TRDN: variants seen among roughly 807,000 people sequenced by gnomAD.
TRDN encodes triadin, also known as triadin in skeletal muscle.
TRDN carries 161 observed loss-of-function variants against 149.7 expected under a neutral mutation model. The observed-to-expected ratio is 1.08, with a 90% CI of 0.95 to 1.23. TRDN has a LOEUF of 1.23. Among genes scored for constraint, TRDN ranks in the 50% most tolerant of loss-of-function variants. The pLI is 0.00. For missense variants in TRDN, 896 were observed against 823.5 expected (o/e 1.09, Z -1.08); for synonymous variants, 294 against 250.5 (o/e 1.17, Z -1.64).
chr6:123,433,774 A>G (rs921192531), intron 12 of TRDN, among the ~76,000 whole-genome samples: 2 of 152,154 alleles, frequency 1.3e-5, no homozygotes, highest in African/African-American at 4.8e-5. Flanking sequence ...TAACTCCTAA[A>G]AGTTTACAAT....
intron 1 of TRDN, among the ~76,000 whole-genome samples, chr6:123,583,555 T>G (rs1046267998): frequency 1.4e-4 from 21 of 148,872 alleles, no homozygotes; most frequent in African/African-American, 5.3e-4. Flanking sequence ...GTAAGGGATA[T>G]AAAGGTTTCA....
At chr6:123,413,605 T>C (rs991176121) in intron 12 of TRDN, among the ~76,000 whole-genome samples, 4 of 152,078 alleles carry the variant, frequency 2.6e-5, no homozygotes, top group African/African-American at 9.7e-5. Context: ...CAGGAATAAA[T>C]AGGGCATTGT....
intron 21 of TRDN, among the ~76,000 whole-genome samples, chr6:123,342,786 T>C (rs1258596261): frequency 6.6e-6 from 1 of 152,026 alleles, no homozygotes; most frequent in African/African-American, 2.4e-5. Context: ...AAATTGTTCC[T>C]AAAAGTGAAC....
chr6:123,375,983 A>G (rs1781486445), intron 18 of TRDN, among the ~76,000 whole-genome samples: 1 of 152,174 alleles, frequency 6.6e-6, no homozygotes, highest in Non-Finnish European at 1.5e-5. Context: ...ATAGTGTGAA[A>G]AGAATGAGTT....
rs548911295 is a variant in TRDN at position 123,237,203 on chromosome 6, T to C, written c.1976-13072A>G. ...TTTTTAAATTTTGTTTCCAATTGCA[T>C]GTTGCATGTGGGAAATAATGAGTTT... On this transcript the variant is annotated intron_variant, in intron 38 of 40. Coordinates refer to ENST00000334268, the MANE Select transcript of TRDN (RefSeq NM_006073.4). Among the ~76,000 whole-genome samples the C allele has an allele frequency of 8.1e-4, 124 of 152,242 alleles. 1 individual carries two copies. The highest frequency in any genetic ancestry group is 1.4e-3 in the Non-Finnish European group (96 of 68,026).
intron 12 of TRDN, among the ~76,000 whole-genome samples, chr6:123,406,021 T>A (rs1773177294): frequency 6.6e-6 from 1 of 152,226 alleles, no homozygotes; most frequent in Admixed American, 6.5e-5. Context: ...AAAATATGTC[T>A]ACTCAAATTT....
At chr6:123,297,154 A>G (rs1445141432) in intron 24 of TRDN, among the ~76,000 whole-genome samples, 1 of 151,966 alleles carries the variant, frequency 6.6e-6, no homozygotes, top group Non-Finnish European at 1.5e-5. Context: ...GGCACCCATT[A>G]TTTTTAAAGT....
At chr6:123,590,987 T>TA (rs1423700270) in intron 1 of TRDN, among the ~76,000 whole-genome samples, 1 of 152,128 alleles carries the variant, frequency 6.6e-6, no homozygotes, top group Non-Finnish European at 1.5e-5. Context: ...CGCTTTGATA[T>TA]AAAAAATTAT....
At chr6:123,360,391 C>T (rs1780851760) in intron 20 of TRDN, among the ~76,000 whole-genome samples, 1 of 152,104 alleles carries the variant, frequency 6.6e-6, no homozygotes, top group African/African-American at 2.4e-5. Context: ...AAAGAAAAAA[C>T]ACAAAGAAGC....
chr6:123,297,948 C>T (rs1475415776), intron 24 of TRDN, among the ~76,000 whole-genome samples: 1 of 152,056 alleles, frequency 6.6e-6, no homozygotes, highest in East Asian at 1.9e-4. Flanking sequence ...TTCACCTACT[C>T]TTCCAACCAG....
chr6:123,266,503 T>C (rs1394926390), intron 32 of TRDN, among the ~76,000 whole-genome samples: 2 of 49,000 alleles, frequency 4.1e-5, no homozygotes, highest in Non-Finnish European at 6.2e-5. Context: ...ATATATAATA[T>C]ATATATTATA....
In TRDN at chr6:123,535,443, T is replaced by C. The variant is rs549314812; in HGVS notation, c.425-4878A>G. ...GCTGGTAGGGAGGTATGAGTGAAGATAAGGGAGGAAAAAGTAGTATCTCCT... is the reference window on the plus strand; with the variant it reads ...GCTGGTAGGGAGGTATGAGTGAAGACAAGGGAGGAAAAAGTAGTATCTCCT... On this transcript the variant is annotated intron_variant, in intron 4 of 40. Transcript: ENST00000334268. Among the ~76,000 whole-genome samples the C allele has an allele frequency of 2.0e-5, 3 of 152,244 alleles. No homozygotes were observed. In the South Asian group the frequency reaches 6.2e-4, roughly 32 times the overall value.
At position 123,376,542 on chromosome 6, in the gene TRDN, G is replaced by C. The variant is rs147225335; in HGVS notation, c.1247-911C>G. On this transcript the variant is annotated intron_variant, in intron 18 of 40. Coordinates refer to ENST00000334268, the MANE Select transcript of TRDN (RefSeq NM_006073.4). ...TGGGAATAAAGAGAAAAAACAGTCG[G>C]CTTCTTCCAATTTCTGACTATATAA... is the stretch of plus-strand genomic sequence containing the variant. Among the ~76,000 whole-genome samples, 880 of 152,152 alleles carry C rather than the reference G, an allele frequency of 5.8e-3. 9 individuals are homozygous for C. The highest frequency in any genetic ancestry group is 0.02 in the African/African-American group (824 of 41,528).
At chr6:123,241,866 GA>G (rs141791770) in intron 38 of TRDN, among the ~76,000 whole-genome samples, 5,814 of 148,214 alleles carry the variant, frequency 0.039, 355 homozygotes, top group African/African-American at 0.13. Flanking sequence ...CCCTATTCAA[GA>G]AAAAAAAAAT....
intron 12 of TRDN, among the ~76,000 whole-genome samples, chr6:123,418,307 C>A (rs758594435): frequency 2.2e-4 from 34 of 151,750 alleles, no homozygotes; most frequent in Non-Finnish European, 1.5e-5. Context: ...TTGTTTCATG[C>A]TGTGTGTGTG....
intron 21 of TRDN, among the ~76,000 whole-genome samples, chr6:123,346,881 C>T (rs960982060): frequency 2.6e-5 from 4 of 151,660 alleles, no homozygotes; most frequent in Non-Finnish European, 4.4e-5. Context: ...CTGGCAAACT[C>T]GACCTGAGAA....
intron 10 of TRDN, among the ~76,000 whole-genome samples, chr6:123,447,973 T>C (rs1775494862): frequency 6.6e-6 from 1 of 152,174 alleles, no homozygotes; most frequent in South Asian, 2.1e-4. Context: ...ACACCCCCAC[T>C]GTAGAAAATG....
chr6:123,360,963 C>T (rs574819582), intron 20 of TRDN, among the ~76,000 whole-genome samples: 1 of 152,120 alleles, frequency 6.6e-6, no homozygotes. Context: ...GCCACATTTT[C>T]TTTATCCAGT....
intron 12 of TRDN, among the ~76,000 whole-genome samples, chr6:123,428,611 A>G (rs898831553): frequency 6.6e-6 from 1 of 152,204 alleles, no homozygotes; most frequent in Non-Finnish European, 1.5e-5. Context: ...GTGATACACC[A>G]CTGTTAAAAG....
Sources: allele counts gnomAD v4.1 joint callset (sites outside exome capture counted in the v4.1 genomes callset), GRCh38; gene constraint gnomAD v4.1.1; transcripts MANE v1.5; gene names NCBI Gene and HGNC (gene_info 2026-07-23, HGNC 2026-07-21).